ACLY: variants seen among roughly 807,000 people sequenced by gnomAD.
ACLY encodes ATP-citrate synthase.
In ACLY, 41 loss-of-function variants were observed where a neutral mutation model predicts 133.0. The ratio of observed to expected loss-of-function variants is 0.31; its 90% CI spans 0.24 to 0.40. The LOEUF (loss-of-function observed/expected upper bound fraction) is 0.40. ACLY is among the 10% of genes least tolerant of loss of function. The probability of loss-of-function intolerance (pLI) is 1.00; values close to 1 mark genes in which losing one functional copy is unlikely to be tolerated. For missense variants in ACLY, 1,046 were observed against 1,453.8 expected (o/e 0.72, Z 4.56); for synonymous variants, 495 against 549.3 (o/e 0.90, Z 1.38).
intron 7 of ACLY, 30 bp downstream of exon 7, chr17:41,907,412 G>A (rs2049753029): frequency 1.3e-6 from 2 of 1,501,078 alleles, no homozygotes; most frequent in African/African-American, 1.4e-5. Context: ...CCTCCCCCCA[G>A]TCCCCATCTC....
At chr17:41,910,500 A>G (rs1330416299) in intron 3 of ACLY, among the ~76,000 whole-genome samples, 1 of 152,232 alleles carries the variant, frequency 6.6e-6, no homozygotes, top group Non-Finnish European at 1.5e-5. Flanking sequence ...GCTGTGCCTG[A>G]ACAGGCACCG....
At position 41,910,246 on chromosome 17, in the gene ACLY, G is replaced by A. The variant is rs782487022; in HGVS notation, c.321C>T (p.Ile107=). The A allele has an allele frequency of 9.3e-6, 15 of 1,613,688 alleles. No individual in the cohort carries two copies. The highest frequency in any genetic ancestry group is 2.2e-5 in the South Asian group (2 of 90,952). Reference sequence around the variant, plus strand: ...CCTGACTGTGGGGGACGAAGGGCTCGATCAGAAAGTTCTTGAGGAAGCCTG... The same window carrying A: ...CCTGACTGTGGGGGACGAAGGGCTCAATCAGAAAGTTCTTGAGGAAGCCTG... ...KATGFLKNFL[I]EPFVPHSQAE... The change falls in exon 4 of 29, where the codon ATC becomes ATT. Residue 107 remains isoleucine, a synonymous_variant. Transcript: ENST00000352035.
In ACLY at chr17:41,879,841, G is replaced by A. The variant is rs1294654277; in HGVS notation, c.2266-917C>T. Among the ~76,000 whole-genome samples the A allele has an allele frequency of 2.0e-5, 3 of 150,868 alleles. No individual in the cohort carries two copies. In the South Asian group the frequency reaches 6.3e-4, roughly 32 times the overall value. On this transcript the variant is annotated intron_variant, in intron 20 of 28. Coordinates refer to ENST00000352035, the MANE Select transcript of ACLY (RefSeq NM_001096.3). Reference sequence around the variant, plus strand: ...TCGGGTGATTCTCCCACCTCCTCCCGTGTAGCTGGGACTACAGGCGTATGC... The same window carrying A: ...TCGGGTGATTCTCCCACCTCCTCCCATGTAGCTGGGACTACAGGCGTATGC...
At chr17:41,876,329 G>T (rs2048756158) in intron 22 of ACLY, among the ~76,000 whole-genome samples, 1 of 150,476 alleles carries the variant, frequency 6.6e-6, no homozygotes, top group African/African-American at 2.4e-5. Flanking sequence ...GCCCCGTCCG[G>T]GAGGTGAGGG....
intron 11 of ACLY, among the ~76,000 whole-genome samples, chr17:41,900,264 G>A (rs1056984635): frequency 1.3e-5 from 2 of 151,472 alleles, no homozygotes; most frequent in East Asian, 3.9e-4. Context: ...TTGGGAGGCC[G>A]AGGCAGGAGA....
At chr17:41,891,496 A>C (rs769157252) in intron 16 of ACLY, among the ~76,000 whole-genome samples, 36 of 151,612 alleles carry the variant, frequency 2.4e-4, no homozygotes, top group Non-Finnish European at 4.1e-4. Flanking sequence ...TTGACCTCCC[A>C]GGCTCAAGTG....
At chr17:41,917,134 C>CAAAAAAAA (rs35545409) in intron 1 of ACLY, among the ~76,000 whole-genome samples, 1 of 53,554 alleles carries the variant, frequency 1.9e-5, no homozygotes, top group Non-Finnish European at 3.8e-5. Context: ...GACTCTGTCT[C>CAAAAAAAA]AAAAAAAAAA....
rs781824208 is a variant in ACLY, at chr17:41,893,058, C to G, written c.1576G>C (p.Val526Leu). 6.2e-7 allele frequency: 1 copy of G among 1,613,936 alleles called. No individual in the cohort carries two copies. Among genetic ancestry groups the G allele is most frequent in the Non-Finnish European group, 8.5e-7 (1 of 1,179,920 alleles). ...DYVCSRDEPS[V>L]AAMVYPFTGD... is the part of the protein sequence containing the mutation. ...GTGAAAGGGTAGACCATGGCAGCCACTGAGGGCTCGTCTCGGGAGCAGACA... is the reference window on the plus strand; with the variant it reads ...GTGAAAGGGTAGACCATGGCAGCCAGTGAGGGCTCGTCTCGGGAGCAGACA... The change falls in exon 15 of 29, where the codon GTG becomes CTG. Residue 526 changes from valine (V) to leucine (L), a missense_variant. Physicochemically the swap from Val to Leu is conservative, Grantham distance 32. Transcript: ENST00000352035.
At chr17:41,925,612 A>G (rs539195541) in intron 1 of ACLY, among the ~76,000 whole-genome samples, 10 of 152,052 alleles carry the variant, frequency 6.6e-5, no homozygotes, top group Non-Finnish European at 1.3e-4. Flanking sequence ...GTCTAAATAA[A>G]TAATAAATAA....
chr17:41,896,722 A>G, intron 13 of ACLY, 73 bp from the exon 14 acceptor site: 1 of 1,394,148 alleles, frequency 7.2e-7, no homozygotes, highest in South Asian at 1.5e-5. Context: ...GAGGGTGGGA[A>G]CAGGGAAGGG....
chr17:41,916,668 G>A (rs113224296), intron 1 of ACLY, among the ~76,000 whole-genome samples: 13,548 of 150,650 alleles, frequency 0.09, 772 homozygotes, highest in Non-Finnish European at 0.12. Context: ...GAGCCACCAC[G>A]CCCGGCCTTC....
chr17:41,895,524 G>A (rs1353537917), intron 14 of ACLY, among the ~76,000 whole-genome samples: 1 of 152,112 alleles, frequency 6.6e-6, no homozygotes, highest in Non-Finnish European at 1.5e-5. Flanking sequence ...CTCTGGCCTC[G>A]CTGAGGGGAG....
In ACLY at chr17:41,873,805, G is replaced by A; in HGVS notation, c.2642+6C>T. On this transcript the variant is annotated splice_donor_region_variant and intron_variant, in intron 23 of 28. Coordinates refer to ENST00000352035, the MANE Select transcript of ACLY (RefSeq NM_001096.3). Reference sequence around the variant, plus strand: ...GGCCCTGTAATCTTCTGCCCTCCATGCTCACCTTTTCTGGAACCAGAGGAG... The same window carrying A: ...GGCCCTGTAATCTTCTGCCCTCCATACTCACCTTTTCTGGAACCAGAGGAG... The A allele has an allele frequency of 6.4e-7, 1 of 1,554,040 alleles. No homozygotes were observed. The highest frequency in any genetic ancestry group is 8.7e-7 in the Non-Finnish European group (1 of 1,144,228).
chr17:41,872,544 C>T (rs1555625340), intron 23 of ACLY, among the ~76,000 whole-genome samples: 1 of 152,148 alleles, frequency 6.6e-6, no homozygotes, highest in East Asian at 1.9e-4. Context: ...CAGGCTATCT[C>T]GAACTCCTGG....
At chr17:41,871,939 C>T (rs1187158650) in intron 24 of ACLY, 93 bp downstream of exon 24, 1 of 1,593,050 alleles carries the variant, frequency 6.3e-7, no homozygotes, top group African/African-American at 1.3e-5. Flanking sequence ...GTTTTACACT[C>T]AGGGGCTCCT....
Position 41,886,266 on chromosome 17 carries a change from C to T in ACLY, c.1918G>A (p.Gly640Ser), listed in dbSNP as rs1411209041. Residue 640 changes from glycine (G) to serine (S), a missense_variant, in exon 18 of 29, where the codon GGT (glycine) becomes AGT (serine). By Grantham distance (56) the Gly-to-Ser change is moderately conservative. Around this residue, in one of 4 missense-constraint regions of ACLY, gnomAD observed 575 missense variants for 804.2 expected, o/e 0.71. Coordinates refer to ENST00000352035, the MANE Select transcript of ACLY (RefSeq NM_001096.3). ...GCCAGGATGTTGTCCAGCATCCCAC[C>T]TGTGTTGCCAATCTTAAAGCACCCA... ...KPGCFKIGNT[G>S]GMLDNILASK... 6.2e-7 allele frequency: 1 copy of T among 1,613,702 alleles called. No homozygotes were observed. Among genetic ancestry groups the T allele is most frequent in the African/African-American group, 1.3e-5 (1 of 74,914 alleles).
At chr17:41,888,533 A>G (rs1408905189) in intron 16 of ACLY, among the ~76,000 whole-genome samples, 2 of 152,228 alleles carry the variant, frequency 1.3e-5, no homozygotes, top group African/African-American at 4.8e-5. Context: ...GGACAGATCC[A>G]GGAATCACTT....
At chr17:41,918,489 C>T (rs1462041016) in intron 1 of ACLY, among the ~76,000 whole-genome samples, 1 of 152,232 alleles carries the variant, frequency 6.6e-6, no homozygotes, top group East Asian at 1.9e-4. Context: ...GTCCCGGCAT[C>T]CGATGGGGGA....
intron 19 of ACLY, 88 bp downstream of exon 19, chr17:41,884,105 C>CAAA (rs1406097039): frequency 2.5e-6 from 2 of 800,440 alleles, no homozygotes; most frequent in African/African-American, 3.4e-5. Flanking sequence ...CTTTAAGTTA[C>CAAA]ATGTAACCAA....
Sources: allele counts gnomAD v4.1 joint callset (sites outside exome capture counted in the v4.1 genomes callset), GRCh38; gene constraint gnomAD v4.1.1; regional missense constraint gnomAD v4.1.1; transcripts MANE v1.5; gene names NCBI Gene and HGNC (gene_info 2026-07-23, HGNC 2026-07-21).